ADAMTS7: variants seen among roughly 807,000 people sequenced by gnomAD.
ADAMTS7 encodes the protein A disintegrin and metalloproteinase with thrombospondin motifs 7.
In ADAMTS7, 89 loss-of-function variants were observed where a neutral mutation model predicts 172.6. The ratio of observed to expected loss-of-function variants is 0.52; its 90% CI spans 0.43 to 0.61. The LOEUF (loss-of-function observed/expected upper bound fraction) is 0.61, where lower values mean the gene tolerates loss of function less well. Among genes scored for constraint, ADAMTS7 ranks in the 20% least tolerant of loss-of-function variants. The probability of loss-of-function intolerance (pLI) is 0.00; values close to 1 mark genes in which losing one functional copy is unlikely to be tolerated. For missense variants in ADAMTS7, 1,973 were observed against 2,355.6 expected, an observed-to-expected ratio of 0.84 and a Z score of 3.36; for synonymous variants, 885 against 978.4, an observed-to-expected ratio of 0.90 and a Z score of 1.78.
In ADAMTS7 at chr15:78,774,342, G is replaced by A. The variant is rs1188553949; in HGVS notation, c.1877-42C>T. On this transcript the variant is annotated intron_variant, in intron 12 of 23. Coordinates refer to ENST00000388820, the MANE Select transcript of ADAMTS7 (RefSeq NM_014272.5). ...AAGAGTCATCAGCAACAGCTGGGGC[G>A]GGAGTATGGAGGCCACCAGGAAGAC... 9.2e-6 allele frequency: 14 copies of A among 1,519,046 alleles called. No individual in the cohort carries two copies. The East Asian group carries it at 1.9e-4, about 20-fold the overall frequency. 94.1% of individuals were successfully genotyped at this position (1,519,046 alleles called of 1,614,324 possible).
At position 78,766,727 on chromosome 15, in the gene ADAMTS7, C is replaced by T. The variant is rs1256464899; in HGVS notation, c.3184G>A (p.Asp1062Asn). 4.3e-6 allele frequency: 7 copies of T among 1,610,792 alleles called. No homozygotes were observed. Among genetic ancestry groups the T allele is most frequent in the Admixed American group, 1.7e-5 (1 of 60,022 alleles). The change falls in exon 19 of 24, where the codon GAC becomes AAC. Residue 1062 changes from aspartate to asparagine, a missense_variant. Asp to Asn is a conservative substitution (Grantham distance 23). Transcript: ENST00000388820. ...ATGAAATTGTAGTCGTAGTAGAAGT[C>T]GTCCACAAACACGGGCCCCGGCAGG... ...LDLPGPVFVD[D>N]FYYDYNFINF... is the part of the protein sequence containing the mutation.
At chr15:78,807,696 T>C (rs2055814550) in intron 1 of ADAMTS7, among the ~76,000 whole-genome samples, 1 of 151,972 alleles carries the variant, frequency 6.6e-6, no homozygotes, top group Non-Finnish European at 1.5e-5. Context: ...TAAGTGCTTA[T>C]AACAACAGCT....
In ADAMTS7 at chr15:78,789,778, C is replaced by T. The variant is rs146314564; in HGVS notation, c.1089G>A (p.Ala363=). 5.0e-5 allele frequency: 80 copies of T among 1,609,780 alleles called. No homozygotes were observed. The African/African-American group carries it at 5.3e-4, about 11-fold the overall frequency. The part of the protein sequence containing the change: ...PCETLGLSHV[A]GMCQPHRSCS... ...AGCTGCGGTGCGGCTGGCACATGCCCGCCACATGGGACAGTCCCAGGGTCT... is the reference window on the plus strand; with the variant it reads ...AGCTGCGGTGCGGCTGGCACATGCCTGCCACATGGGACAGTCCCAGGGTCT... The change falls in exon 7 of 24, where the codon GCG becomes GCA. Residue 363 remains alanine, a synonymous_variant. Transcript: ENST00000388820.
intron 1 of ADAMTS7, among the ~76,000 whole-genome samples, chr15:78,805,930 A>C (rs557184550): frequency 2.2e-3 from 337 of 151,902 alleles, no homozygotes; most frequent in Non-Finnish European, 1.7e-3. Flanking sequence ...AAATACAAAA[A>C]TTAGCCAGGC....
At chr15:78,792,657 A>G (rs2055596025) in intron 4 of ADAMTS7, among the ~76,000 whole-genome samples, 2 of 152,200 alleles carry the variant, frequency 1.3e-5, no homozygotes, top group African/African-American at 4.8e-5. Context: ...TACTAAAAAT[A>G]CAAAAATTAG....
At chr15:78,767,324 T>C in intron 18 of ADAMTS7, 55 bp downstream of exon 18, 1 of 1,591,778 alleles carries the variant, frequency 6.3e-7, no homozygotes, top group Non-Finnish European at 8.6e-7. Context: ...TGCCTCCCTG[T>C]AGCTGAAGAC....
At chr15:78,803,616 C>A (rs114189680) in intron 1 of ADAMTS7, among the ~76,000 whole-genome samples, 2 of 152,120 alleles carry the variant, frequency 1.3e-5, no homozygotes, top group Non-Finnish European at 2.9e-5. Flanking sequence ...CCACTCCCAG[C>A]GAGTTCTTGT....
rs147367952 is a variant in ADAMTS7 at position 78,790,196 on chromosome 15, C to T, written c.1029-358G>A. 3.9e-5 allele frequency among the ~76,000 whole-genome samples: 6 copies of T among 152,140 alleles called. No homozygotes were observed. In the South Asian group the frequency reaches 6.2e-4, roughly 16 times the overall value. ...GGAGGAAGGTGGCTGTGACTATAAA[C>T]GGGTAGCATGAGACATCCTTCTGAT... On this transcript the variant is annotated intron_variant, in intron 6 of 23. Coordinates refer to ENST00000388820, the MANE Select transcript of ADAMTS7 (RefSeq NM_014272.5).
At chr15:78,785,610 C>T (rs1382927482) in intron 8 of ADAMTS7, among the ~76,000 whole-genome samples, 1 of 150,368 alleles carries the variant, frequency 6.7e-6, no homozygotes, top group Admixed American at 6.6e-5. Context: ...TTAGTTCAGA[C>T]ATCAAGATTT....
chr15:78,767,183 T>C lies in ADAMTS7; in HGVS notation c.2860-132A>G, dbSNP rs1052482719. 4 of 1,168,242 alleles carry C rather than the reference T, an allele frequency of 3.4e-6. No individual in the cohort carries two copies. The African/African-American group carries it at 4.6e-5, about 14-fold the overall frequency. The allele number at this position is 1,168,242 out of a possible 1,614,324, so 72.4% of individuals were successfully genotyped here. A position where few individuals can be genotyped will look rare whatever the true frequency, so the allele number is the denominator to read the frequency against. On this transcript the variant is annotated intron_variant, in intron 18 of 23. Coordinates refer to ENST00000388820, the MANE Select transcript of ADAMTS7 (RefSeq NM_014272.5). ...GACCCCAGCCAGCCCTCTCTGGCCC[T>C]TCCCAGCTCAAGGCCATGACTGTGG...
chr15:78,772,367 G>A (rs1050338249), intron 14 of ADAMTS7, among the ~76,000 whole-genome samples: 2 of 152,224 alleles, frequency 1.3e-5, no homozygotes, highest in Non-Finnish European at 2.9e-5. Context: ...GGTATGAGCA[G>A]CCTCCATGGC....
chr15:78,786,763 A>AGACG (rs1202856150), intron 8 of ADAMTS7, among the ~76,000 whole-genome samples: 1 of 152,236 alleles, frequency 6.6e-6, no homozygotes, highest in Non-Finnish European at 1.5e-5. Flanking sequence ...GAGCTACAAA[A>AGACG]GACGAATTGT....
At chr15:78,764,979 G>A in intron 19 of ADAMTS7, 2 of 367,344 alleles carry the variant, frequency 5.4e-6, no homozygotes, top group South Asian at 1.9e-4. Flanking sequence ...GTGGGGGGAG[G>A]GGACCCTGTG....
intron 16 of ADAMTS7, among the ~76,000 whole-genome samples, chr15:78,769,937 A>G (rs1442082713): frequency 6.6e-6 from 1 of 152,168 alleles, no homozygotes; most frequent in Non-Finnish European, 1.5e-5. Context: ...CAAGGCGGGC[A>G]AATCACCTGA....
At chr15:78,809,337 C>G (rs1433284033) in intron 1 of ADAMTS7, among the ~76,000 whole-genome samples, 1 of 152,118 alleles carries the variant, frequency 6.6e-6, no homozygotes, top group East Asian at 1.9e-4. Context: ...ACAAACAGGC[C>G]AGCAGCCTCA....
chr15:78,810,874 C>T (rs961130946), intron 1 of ADAMTS7: 2 of 373,412 alleles, frequency 5.4e-6, no homozygotes, highest in African/African-American at 4.2e-5. Flanking sequence ...GGGGCTTATT[C>T]CAGGCGACAG....
intron 4 of ADAMTS7, among the ~76,000 whole-genome samples, chr15:78,795,619 C>A (rs1190691900): frequency 6.6e-6 from 1 of 152,182 alleles, no homozygotes; most frequent in African/African-American, 2.4e-5. Context: ...AGGATCCTGG[C>A]CCCAGGGCTC....
chr15:78,789,759 G>C lies in ADAMTS7; in HGVS notation c.1108C>G (p.Arg370Gly). 1 of 1,610,690 alleles carries C rather than the reference G, an allele frequency of 6.2e-7. No individual in the cohort carries two copies. Among genetic ancestry groups the C allele is most frequent in the South Asian group, 1.1e-5 (1 of 90,508 alleles). ...SHVAGMCQPHRSCSINEDTGL... is the reference protein window; with the variant it reads ...SHVAGMCQPHGSCSINEDTGL... ...GTGTCCTCGTTGATGCTGCAGCTGCGGTGCGGCTGGCACATGCCCGCCACA... is the reference window on the plus strand; with the variant it reads ...GTGTCCTCGTTGATGCTGCAGCTGCCGTGCGGCTGGCACATGCCCGCCACA... The change falls in exon 7 of 24, where the codon CGC (arginine) becomes GGC (glycine). Residue 370 changes from arginine (R) to glycine (G), a missense_variant. Physicochemically the swap from Arg to Gly is moderately radical, Grantham distance 125 (BLOSUM62 -2). This residue lies in a region of ADAMTS7 where 526 missense variants were observed against 662.9 expected (regional missense o/e 0.79). Transcript: ENST00000388820.
intron 4 of ADAMTS7, among the ~76,000 whole-genome samples, chr15:78,791,933 G>A (rs953454730): frequency 7.8e-5 from 6 of 76,510 alleles, no homozygotes; most frequent in African/African-American, 1.6e-4. Flanking sequence ...AAATGGCTGG[G>A]GAAAGCCATC....
Sources: allele counts gnomAD v4.1 joint callset (sites outside exome capture counted in the v4.1 genomes callset), GRCh38; gene constraint gnomAD v4.1.1; regional missense constraint gnomAD v4.1.1; transcripts MANE v1.5; gene names NCBI Gene and HGNC (gene_info 2026-07-23, HGNC 2026-07-21).